Variants in MBNL2 observed in about 807,000 individuals in gnomAD.
The protein encoded by MBNL2 is muscleblind-like protein 2.
MBNL2 carries 17 observed loss-of-function variants against 41.9 expected under a neutral mutation model. The observed-to-expected ratio is 0.41, with a 90% CI of 0.28 to 0.61. The LOEUF (loss-of-function observed/expected upper bound fraction) is 0.61. Ranked by LOEUF, MBNL2 falls within the 20% of genes least tolerant of loss-of-function variation. The pLI, the probability that MBNL2 is intolerant of heterozygous loss-of-function variation, is 0.35. For missense variants in MBNL2, 336 were observed against 505.6 expected (o/e 0.66, Z 3.22); for synonymous variants, 195 against 182.9 (o/e 1.07, Z -0.53).
At chr13:97,367,213 A>G (rs547933091) in intron 8 of MBNL2, among the ~76,000 whole-genome samples, 1 of 152,348 alleles carries the variant, frequency 6.6e-6, no homozygotes, top group African/African-American at 2.4e-5. Flanking sequence ...CAGTGAGACC[A>G]TGGATGTACT....
chr13:97,340,957 T>TGGTACCACACTAACCCTAGC (rs1430076981), intron 3 of MBNL2, among the ~76,000 whole-genome samples: 2 of 152,228 alleles, frequency 1.3e-5, no homozygotes, highest in Non-Finnish European at 2.9e-5. Context: ...CCCGTATTTA[T>TGGTACCACACTAACCCTAGC]GGTACCACAC....
At chr13:97,165,797 T>G in the MBNL2 span, among the ~76,000 whole-genome samples, 4 of 152,198 alleles carry the variant, frequency 2.6e-5, no homozygotes, top group Non-Finnish European at 5.9e-5. Flanking sequence ...AGGTGTATAC[T>G]TCAAAAAGCA....
intron 8 of MBNL2, among the ~76,000 whole-genome samples, chr13:97,384,065 A>C (rs1354320715): frequency 6.6e-6 from 1 of 151,764 alleles, no homozygotes; most frequent in Non-Finnish European, 1.5e-5. Context: ...ACACCCAACT[A>C]ATTTTTGTAT....
chr13:97,145,462 GAA>G, the MBNL2 span, among the ~76,000 whole-genome samples: 2 of 152,232 alleles, frequency 1.3e-5, no homozygotes, highest in African/African-American at 4.8e-5. Context: ...AGAAGAAAGA[GAA>G]AAGTGTCCAA....
intron 2 of MBNL2, among the ~76,000 whole-genome samples, chr13:97,293,157 C>A (rs1341397512): frequency 2.0e-5 from 3 of 151,958 alleles, no homozygotes; most frequent in Non-Finnish European, 4.4e-5. Context: ...GTTCTGTTCT[C>A]ATAATTCTTT....
chr13:97,180,741 A>T, the MBNL2 span, among the ~76,000 whole-genome samples: 1 of 16,968 alleles, frequency 5.9e-5, no homozygotes, highest in African/African-American at 2.5e-4. Context: ...GACTCCATCT[A>T]AAAAAAAAAA....
chr13:97,217,969 T>C (rs527733035), upstream of MBNL2, among the ~76,000 whole-genome samples: 199 of 152,220 alleles, frequency 1.3e-3, no homozygotes, highest in Non-Finnish European at 2.5e-3. Context: ...GATAAAGAGT[T>C]AGGCATCAAA....
intron 2 of MBNL2, among the ~76,000 whole-genome samples, chr13:97,313,189 G>T (rs529485425): frequency 6.6e-6 from 1 of 152,188 alleles, no homozygotes; most frequent in Non-Finnish European, 1.5e-5. Context: ...AAATTCTAAA[G>T]GTCCAACGGC....
At chr13:97,218,440 C>CAAAACAAAACAAAACAAAA (rs55815508), upstream of MBNL2, among the ~76,000 whole-genome samples, 1 of 117,974 alleles carries the variant, frequency 8.5e-6, no homozygotes, top group Non-Finnish European at 1.7e-5. Context: ...CAAAACAAAA[C>CAAAACAAAACAAAACAAAA]AAAAAAAAAA....
the MBNL2 span, among the ~76,000 whole-genome samples, chr13:97,155,390 T>A: frequency 8.6e-5 from 13 of 151,318 alleles, no homozygotes; most frequent in East Asian, 1.9e-4. Context: ...TCTTTTTTTT[T>A]TTTATTTTTT....
At chr13:97,379,778 G>A (rs1293298967) in intron 8 of MBNL2, among the ~76,000 whole-genome samples, 1 of 152,182 alleles carries the variant, frequency 6.6e-6, no homozygotes, top group Non-Finnish European at 1.5e-5. Flanking sequence ...ACGGGGGCAG[G>A]TTTCATTTGG....
the MBNL2 span, among the ~76,000 whole-genome samples, chr13:97,152,638 A>C: frequency 6.6e-6 from 1 of 152,318 alleles, no homozygotes. Context: ...TACCTTCAAA[A>C]TTCTTAGGGT....
At chr13:97,163,408 C>T in the MBNL2 span, among the ~76,000 whole-genome samples, 3 of 151,602 alleles carry the variant, frequency 2.0e-5, no homozygotes, top group African/African-American at 7.3e-5. Flanking sequence ...TGGGATGGGA[C>T]AGGGTGGAAG....
the MBNL2 span, among the ~76,000 whole-genome samples, chr13:97,144,423 C>CTTTTTTTTTTTTTTTTTTTTTTT: frequency 8.5e-6 from 1 of 118,106 alleles, no homozygotes; most frequent in African/African-American, 4.0e-5. Flanking sequence ...CATGATACTT[C>CTTTTTTTTTTTTTTTTTTTTTTT]TTTTTTTTTT....
At chr13:97,229,791 A>T (rs2042136117) in intron 1 of MBNL2, among the ~76,000 whole-genome samples, 1 of 152,226 alleles carries the variant, frequency 6.6e-6, no homozygotes. Flanking sequence ...CTATAACATC[A>T]CATCTAATGC....
chr13:97,252,400 T>TA (rs57892219), intron 1 of MBNL2, among the ~76,000 whole-genome samples: 16,747 of 152,146 alleles, frequency 0.11, 1,824 homozygotes, highest in African/African-American at 0.29. Context: ...CCCATACCCA[T>TA]ACAGCCTCCC....
In MBNL2 at chr13:97,330,095, CTTTG is replaced by C. The variant is rs532080023; in HGVS notation, c.175-4177_175-4174del. ...GACACCATGTCTTGATTTTCCTCAC[CTTTG>C]TTTAACTAGCACTAAGCACAATGCC... On this transcript the variant is annotated intron_variant, in intron 2 of 8. Coordinates refer to ENST00000679496, the MANE Select transcript of MBNL2 (RefSeq NM_001382683.1). Among the ~76,000 whole-genome samples, 34 of 152,298 alleles carry C rather than the reference CTTTG, an allele frequency of 2.2e-4. No homozygotes were observed. In the South Asian group the frequency reaches 6.8e-3, roughly 31 times the overall value.
At chr13:97,157,052 T>C in the MBNL2 span, among the ~76,000 whole-genome samples, 651 of 149,020 alleles carry the variant, frequency 4.4e-3, 2 homozygotes, top group South Asian at 1.0e-2. Context: ...CATTTGTTTG[T>C]ATCCTCTTTT....
chr13:97,201,993 T>C, the MBNL2 span, among the ~76,000 whole-genome samples: 1 of 152,232 alleles, frequency 6.6e-6, no homozygotes, highest in Non-Finnish European at 1.5e-5. Flanking sequence ...TATGACCTTA[T>C]AGTTAAATCA....
Sources: gnomAD v4.1 joint callset for allele counts (sites outside exome capture counted in the v4.1 genomes callset) on GRCh38, gnomAD v4.1.1 for gene constraint, MANE v1.5 for transcripts, NCBI Gene and HGNC (gene_info 2026-07-23, HGNC 2026-07-21) for gene names.